SCARA3: variants seen among roughly 807,000 people sequenced by gnomAD.
The protein encoded by SCARA3 is scavenger receptor class A member 3.
A neutral mutation model predicts 47.0 loss-of-function variants in SCARA3; 39 were observed. The ratio of observed to expected loss-of-function variants is 0.83; its 90% CI spans 0.64 to 1.08. The LOEUF is 1.08. SCARA3 is among the 50% of genes least tolerant of loss of function. The pLI is 0.00. For synonymous variants in SCARA3, 356 were observed against 334.1 expected (o/e 1.07, Z -0.71); for missense variants, 724 against 792.3 (o/e 0.91, Z 1.04).
At chr8:27,716,518 C>G in the SCARA3 span, among the ~76,000 whole-genome samples, 3 of 152,152 alleles carry the variant, frequency 2.0e-5, no homozygotes, top group South Asian at 6.2e-4. Flanking sequence ...AAATCTGGAA[C>G]AATTTGAGCA....
At chr8:27,670,756 A>G in intron 5 of SCARA3, 144 bp from the exon 6 acceptor site, 1 of 632,472 alleles carries the variant, frequency 1.6e-6, no homozygotes, top group Non-Finnish European at 2.7e-6. Context: ...GTGTGGAGCT[A>G]TCGGCAAGCC....
chr8:27,709,117 A>G, the SCARA3 span, among the ~76,000 whole-genome samples: 11 of 152,228 alleles, frequency 7.2e-5, no homozygotes, highest in Non-Finnish European at 1.3e-4. Flanking sequence ...AGCATTTCTC[A>G]TATTTATTTA....
At chr8:27,663,800 G>A (rs549993832) in intron 5 of SCARA3, among the ~76,000 whole-genome samples, 1 of 152,314 alleles carries the variant, frequency 6.6e-6, no homozygotes, top group Admixed American at 6.5e-5. Flanking sequence ...TGGATCTGCT[G>A]GGTCCTATGG....
chr8:27,665,060 G>A (rs1899220), intron 5 of SCARA3, among the ~76,000 whole-genome samples: 51,589 of 152,106 alleles, frequency 0.34, 9,503 homozygotes, highest in Non-Finnish European at 0.41. Flanking sequence ...CTGGCAATGC[G>A]GTCTCCACGT....
At chr8:27,698,111 A>G in the SCARA3 span, among the ~76,000 whole-genome samples, 1 of 152,248 alleles carries the variant, frequency 6.6e-6, no homozygotes, top group Admixed American at 6.5e-5. Context: ...AGACATTTTC[A>G]GATCAATGAA....
chr8:27,677,214 C>A (rs1402216066), downstream of SCARA3, among the ~76,000 whole-genome samples: 3 of 152,198 alleles, frequency 2.0e-5, no homozygotes, highest in Non-Finnish European at 4.4e-5. Flanking sequence ...CCTTAGCTTC[C>A]TGTCCGGGGC....
intron 1 of SCARA3, among the ~76,000 whole-genome samples, chr8:27,648,791 AAGAG>A (rs1289300620): frequency 2.0e-5 from 2 of 101,938 alleles, no homozygotes; most frequent in African/African-American, 5.5e-5. Flanking sequence ...GAAAGAGATA[AAGAG>A]AGAGGGAGAG....
chr8:27,658,902 G>C lies in SCARA3; in HGVS notation c.732G>C (p.Glu244Asp). 3 of 1,614,142 alleles carry C rather than the reference G, an allele frequency of 1.9e-6. No homozygotes were observed. Among genetic ancestry groups the C allele is most frequent in the Non-Finnish European group, 2.5e-6 (3 of 1,180,038 alleles). Residue 244 changes from glutamate to aspartate, a missense_variant, in exon 5 of 6, where the codon GAG becomes GAC. Glu to Asp is a conservative substitution (Grantham distance 45, BLOSUM62 2). Coordinates refer to ENST00000301904, the MANE Select transcript of SCARA3 (RefSeq NM_016240.3). ...GGATCCAGCGGAAGACAGACGAGGA[G>C]ACCCTGACCCTCCAGAAGATTGTCA... is the stretch of plus-strand genomic sequence containing the variant. ...IHGIQRKTDEETLTLQKIVTD... is the reference protein window; with the variant it reads ...IHGIQRKTDEDTLTLQKIVTD...
At chr8:27,634,313 AGGGC>A in intron 1 of SCARA3, 106 bp downstream of exon 1, 1 of 1,050,492 alleles carries the variant, frequency 9.5e-7, no homozygotes, top group Non-Finnish European at 1.2e-6. Context: ...AGAGGAGGGC[AGGGC>A]GCCTCTGGCT....
chr8:27,695,529 T>C, the SCARA3 span, among the ~76,000 whole-genome samples: 1 of 152,122 alleles, frequency 6.6e-6, no homozygotes, highest in African/African-American at 2.4e-5. Context: ...CAGAAAAATG[T>C]GACCCATTGT....
At chr8:27,692,031 C>T in the SCARA3 span, among the ~76,000 whole-genome samples, 2 of 152,144 alleles carry the variant, frequency 1.3e-5, no homozygotes, top group Admixed American at 6.5e-5. Flanking sequence ...CCTGAAAAAC[C>T]AGTTCAGCCA....
At chr8:27,656,633 A>G in intron 3 of SCARA3, 149 bp from the exon 4 acceptor site, 1 of 616,118 alleles carries the variant, frequency 1.6e-6, no homozygotes, top group Non-Finnish European at 2.9e-6. Flanking sequence ...CATAAGAAGT[A>G]TCTTCCCTAA....
upstream of SCARA3, among the ~76,000 whole-genome samples, chr8:27,633,595 C>G (rs1385017791): frequency 6.8e-6 from 1 of 148,142 alleles, no homozygotes; most frequent in Non-Finnish European, 1.5e-5. Context: ...AGGAGCTCTC[C>G]CGGTGAGCCC....
chr8:27,658,094 G>A (rs1364529806), intron 4 of SCARA3, among the ~76,000 whole-genome samples: 1 of 152,128 alleles, frequency 6.6e-6, no homozygotes, highest in African/African-American at 2.4e-5. Context: ...CCACTTCTCT[G>A]CACCTCGTTC....
chr8:27,671,002 C>T lies in SCARA3; in HGVS notation c.1472C>T (p.Pro491Leu). 17 of 1,610,008 alleles carry T rather than the reference C, an allele frequency of 1.1e-5. No homozygotes were observed. The highest frequency in any genetic ancestry group is 1.4e-5 in the Non-Finnish European group (17 of 1,179,010). ...GPKGDPGSLGPLGPQGPQGQP... is the reference protein window; with the variant it reads ...GPKGDPGSLGLLGPQGPQGQP... Reference sequence around the variant, plus strand: ...AAAGGAGACCCCGGCAGCTTGGGCCCCCTGGGACCCCAGGGTCCTCAGGGG... The same window carrying T: ...AAAGGAGACCCCGGCAGCTTGGGCCTCCTGGGACCCCAGGGTCCTCAGGGG... The change falls in exon 6 of 6, where the codon CCC becomes CTC. Residue 491 changes from proline to leucine, a missense_variant. Transcript: ENST00000301904.
intron 5 of SCARA3, among the ~76,000 whole-genome samples, chr8:27,667,257 C>G (rs1037475534): frequency 3.9e-5 from 6 of 152,228 alleles, no homozygotes; most frequent in African/African-American, 1.4e-4. Flanking sequence ...GCTGTCAGTC[C>G]TCTGCCCGCA....
At chr8:27,729,788 C>T in the SCARA3 span, among the ~76,000 whole-genome samples, 1 of 151,442 alleles carries the variant, frequency 6.6e-6, no homozygotes, top group African/African-American at 2.4e-5. Flanking sequence ...GACTCCATCT[C>T]CAATTTAAAA....
intron 5 of SCARA3, among the ~76,000 whole-genome samples, chr8:27,667,807 G>A (rs372114630): frequency 1.6e-3 from 243 of 152,262 alleles, no homozygotes; most frequent in Non-Finnish European, 3.0e-3. Flanking sequence ...GCCGTGACAC[G>A]GGCAGCGAGG....
At chr8:27,696,568 G>A in the SCARA3 span, among the ~76,000 whole-genome samples, 3 of 151,230 alleles carry the variant, frequency 2.0e-5, no homozygotes, top group Non-Finnish European at 2.9e-5. Context: ...TCTTGCCTCT[G>A]CCTCCTAAGT....
Sources: allele counts gnomAD v4.1 joint callset (sites outside exome capture counted in the v4.1 genomes callset), GRCh38; gene constraint gnomAD v4.1.1; transcripts MANE v1.5; gene names NCBI Gene and HGNC (gene_info 2026-07-23, HGNC 2026-07-21).